CUL3: variants seen among roughly 807,000 people sequenced by gnomAD.
CUL3 encodes cullin 3.
Under a neutral mutation model 89.1 loss-of-function variants are expected in CUL3, and 19 were observed. The observed-to-expected ratio is 0.21, with a 90% CI of 0.15 to 0.31. The LOEUF (loss-of-function observed/expected upper bound fraction) is 0.31, where lower values mean the gene tolerates loss of function less well. CUL3 is among the 10% of genes least tolerant of loss of function. CUL3 has a pLI of 1.00. For synonymous variants in CUL3, 351 were observed against 308.4 expected (o/e 1.14, Z -1.45); for missense variants, 469 against 942.3 (o/e 0.50, Z 6.58).
At chr2:224,539,989 AGG>A (rs34148987) in intron 2 of CUL3, among the ~76,000 whole-genome samples, 2 of 150,544 alleles carry the variant, frequency 1.3e-5, no homozygotes, top group Non-Finnish European at 2.9e-5. Flanking sequence ...ATGTGCATAC[AGG>A]GGGGGAGGCT....
chr2:224,564,571 T>G (rs989158332), intron 1 of CUL3, among the ~76,000 whole-genome samples: 1 of 152,210 alleles, frequency 6.6e-6, no homozygotes. Context: ...AATTGTAAAT[T>G]AAACGTCATA....
At chr2:224,580,776 T>C (rs1425892370) in intron 1 of CUL3, among the ~76,000 whole-genome samples, 2 of 152,172 alleles carry the variant, frequency 1.3e-5, no homozygotes, top group Admixed American at 6.5e-5. Context: ...AAATATCCAG[T>C]AAGTTCAATT....
chr2:224,502,523 C>T (rs1692430421), intron 10 of CUL3, among the ~76,000 whole-genome samples: 1 of 152,056 alleles, frequency 6.6e-6, no homozygotes, highest in Non-Finnish European at 1.5e-5. Flanking sequence ...ATGTAAGTCC[C>T]ATTTAAGCTA....
intron 1 of CUL3, among the ~76,000 whole-genome samples, chr2:224,575,888 G>A (rs1195716922): frequency 1.3e-5 from 2 of 152,108 alleles, no homozygotes; most frequent in Admixed American, 1.3e-4. Flanking sequence ...TGTAGATCCA[G>A]GACCTGACCC....
intron 14 of CUL3, chr2:224,479,850 T>C (rs1016793618): frequency 6.6e-6 from 1 of 152,214 alleles, no homozygotes. Context: ...AAAGTAGTTG[T>C]TTAAACAATC....
intron 13 of CUL3, among the ~76,000 whole-genome samples, chr2:224,487,443 CA>C (rs530054431): frequency 0.11 from 2,978 of 27,074 alleles, 47 homozygotes; most frequent in East Asian, 0.12. Context: ...CCGCCCCCCC[CA>C]AAAAAAAAAA....
chr2:224,493,878 A>G (rs1329357955), intron 13 of CUL3, among the ~76,000 whole-genome samples: 2 of 152,210 alleles, frequency 1.3e-5, no homozygotes, highest in Non-Finnish European at 2.9e-5. Flanking sequence ...AGGTTTGGGT[A>G]AGGTACTCAA....
chr2:224,534,583 C>A lies in CUL3; in HGVS notation c.378+945G>T, dbSNP rs1449876478. On this transcript the variant is annotated intron_variant, in intron 3 of 15. Transcript: ENST00000264414. ...AAGGAGATGTTAATATGGTTTTTTC[C>A]ATATTTTCCATTTTAAAGGACAAGT... Among the ~76,000 whole-genome samples the A allele has an allele frequency of 2.0e-5, 3 of 151,962 alleles. No individual in the cohort carries two copies. In the East Asian group the frequency reaches 5.8e-4, roughly 29 times the overall value.
intron 6 of CUL3, among the ~76,000 whole-genome samples, chr2:224,507,471 T>C (rs559459498): frequency 4.6e-5 from 7 of 152,296 alleles, no homozygotes; most frequent in Non-Finnish European, 8.8e-5. Flanking sequence ...AGTTTAAGTC[T>C]TATGGGTATT....
At chr2:224,504,024 G>A (rs1490395932) in intron 8 of CUL3, 1 of 439,146 alleles carries the variant, frequency 2.3e-6, no homozygotes, top group East Asian at 3.6e-5. Flanking sequence ...AGTGCATCAT[G>A]AATGAGGGGT....
intron 2 of CUL3, among the ~76,000 whole-genome samples, chr2:224,539,845 T>C (rs1694030544): frequency 6.6e-6 from 1 of 151,700 alleles, no homozygotes; most frequent in African/African-American, 2.4e-5. Context: ...TACAATACTA[T>C]ACTAGTGAAT....
chr2:224,516,434 A>G (rs1355059374), intron 3 of CUL3, among the ~76,000 whole-genome samples: 1 of 149,496 alleles, frequency 6.7e-6, no homozygotes, highest in Non-Finnish European at 1.5e-5. Flanking sequence ...CTCCTGCCTC[A>G]GCCTCGTGAG....
rs185016202 is a variant in CUL3 at position 224,474,428 on chromosome 2, C to A, written c.2176-52G>T. The A allele has an allele frequency of 6.1e-3, 9,181 of 1,494,934 alleles. 37 individuals carry two copies. The highest frequency in any genetic ancestry group is 7.1e-3 in the Non-Finnish European group (7,759 of 1,089,706). 92.6% of individuals were successfully genotyped at this position (1,494,934 alleles called of 1,614,324 possible). A position where few individuals can be genotyped will look rare whatever the true frequency, so the allele number is the denominator to read the frequency against. ...TATATAAACACATAAAAATTCGTAT[C>A]TTTGAACAGAACTGATATGTCATTT... On this transcript the variant is annotated intron_variant, in intron 15 of 15. Coordinates refer to ENST00000264414, the MANE Select transcript of CUL3 (RefSeq NM_003590.5).
chr2:224,570,650 GA>G (rs138997266), intron 1 of CUL3, among the ~76,000 whole-genome samples: 9 of 150,572 alleles, frequency 6.0e-5, no homozygotes, highest in African/African-American at 4.9e-5. Context: ...CAAGGAAAAA[GA>G]AAAAAAAAGA....
chr2:224,567,686 G>A lies in CUL3; in HGVS notation c.67-9830C>T, dbSNP rs575664932. Among the ~76,000 whole-genome samples the A allele has an allele frequency of 5.1e-3, 770 of 151,928 alleles. 6 individuals are homozygous for A. Among genetic ancestry groups the A allele is most frequent in the African/African-American group, 0.017 (715 of 41,416 alleles). The stretch of plus-strand genomic sequence containing the variant: ...ACCCAGGAGGCAGAGGTTGCAGTAA[G>A]CCGAGATTGTGCCACTGCACTCCAG... On this transcript the variant is annotated intron_variant, in intron 1 of 15. Transcript: ENST00000264414.
chr2:224,519,185 A>G (rs568845371), intron 3 of CUL3, among the ~76,000 whole-genome samples: 1 of 152,234 alleles, frequency 6.6e-6, no homozygotes, highest in African/African-American at 2.4e-5. Flanking sequence ...ACTTTATTTC[A>G]TGTACAAATT....
chr2:224,491,321 C>A (rs1199431094), intron 13 of CUL3, among the ~76,000 whole-genome samples: 11 of 152,140 alleles, frequency 7.2e-5, no homozygotes, highest in African/African-American at 2.7e-4. Flanking sequence ...AGTACCCTGT[C>A]TACACAGTTC....
chr2:224,570,217 T>C (rs1376010774), intron 1 of CUL3, among the ~76,000 whole-genome samples: 2 of 152,138 alleles, frequency 1.3e-5, no homozygotes, highest in African/African-American at 2.4e-5. Flanking sequence ...CCAAACAGTA[T>C]ACAACTACTT....
chr2:224,572,681 A>T (rs896840317), intron 1 of CUL3, among the ~76,000 whole-genome samples: 1 of 151,304 alleles, frequency 6.6e-6, no homozygotes, highest in Non-Finnish European at 1.5e-5. Flanking sequence ...TGATTAACTC[A>T]TAAGGGTAGA....
Sources: gnomAD v4.1 joint callset for allele counts (sites outside exome capture counted in the v4.1 genomes callset) on GRCh38, gnomAD v4.1.1 for gene constraint, MANE v1.5 for transcripts, NCBI Gene and HGNC (gene_info 2026-07-23, HGNC 2026-07-21) for gene names.